The following TAF5 variants were observed in gnomAD, a reference collection of about 807,000 sequenced individuals.
The protein encoded by TAF5 is TATA-box binding protein associated factor 5, also known as transcription initiation factor TFIID subunit 5.
A neutral mutation model predicts 80.9 loss-of-function variants in TAF5; 20 were observed. That is an observed-to-expected ratio of 0.25 (90% CI 0.17 to 0.36). The LOEUF is 0.36. Among genes scored for constraint, TAF5 ranks in the 10% least tolerant of loss-of-function variants. The pLI, the probability that TAF5 is intolerant of heterozygous loss-of-function variation, is 1.00. For synonymous variants in TAF5, 388 were observed against 406.4 expected, an observed-to-expected ratio of 0.95 and a Z score of 0.55; for missense variants, 863 against 1,029.4, an observed-to-expected ratio of 0.84 and a Z score of 2.21.
intron 1 of TAF5, among the ~76,000 whole-genome samples, chr10:103,372,682 G>A (rs1248484994): frequency 6.6e-6 from 1 of 150,598 alleles, no homozygotes; most frequent in Admixed American, 6.6e-5. Flanking sequence ...GATCACTTGT[G>A]GTCAGGAGTT....
chr10:103,372,108 TGTATTTTTA>T (rs1037649302), intron 1 of TAF5, among the ~76,000 whole-genome samples: 1 of 151,498 alleles, frequency 6.6e-6, no homozygotes, highest in African/African-American at 2.4e-5. Context: ...AGCTAATTTT[TGTATTTTTA>T]GTAGAGACGG....
At chr10:103,381,910 T>C in intron 6 of TAF5, 69 bp downstream of exon 6, 1 of 1,580,438 alleles carries the variant, frequency 6.3e-7, no homozygotes, top group Non-Finnish European at 8.7e-7. Context: ...CCATGGAAAA[T>C]ACACAGGAGA....
intron 2 of TAF5, among the ~76,000 whole-genome samples, chr10:103,377,627 A>G (rs762965416): frequency 1.3e-5 from 2 of 152,224 alleles, no homozygotes; most frequent in Admixed American, 6.5e-5. Context: ...GTTGATACCA[A>G]ACAATGAGTA....
Position 103,387,361 on chromosome 10 carries a change from C to T in TAF5, c.2007+9C>T, listed in dbSNP as rs778947679. The T allele has an allele frequency of 1.1e-5, 17 of 1,599,256 alleles. No homozygotes were observed. In the Admixed American group the frequency reaches 2.8e-4, roughly 27 times the overall value. On this transcript the variant is annotated intron_variant, in intron 9 of 10. Coordinates refer to ENST00000369839, the MANE Select transcript of TAF5 (RefSeq NM_006951.5). ...TCTTCACTGGACACAAGGTATTTTA[C>T]ACTCTTACTATTCCAGCATCCAAGG...
intron 5 of TAF5, among the ~76,000 whole-genome samples, chr10:103,381,241 G>A (rs999382802): frequency 4.0e-5 from 6 of 151,222 alleles, no homozygotes; most frequent in East Asian, 2.0e-4. Flanking sequence ...GAACCCCCGC[G>A]CCCGGCCAAA....
At chr10:103,368,644 T>C in intron 1 of TAF5, 96 bp downstream of exon 1, 2 of 1,373,662 alleles carry the variant, frequency 1.5e-6, no homozygotes, top group South Asian at 1.7e-5. Flanking sequence ...GGGCTTGTTT[T>C]GAATTTCCTG....
chr10:103,387,456 A>G, intron 9 of TAF5, 65 bp from the exon 10 acceptor site: 10 of 1,552,494 alleles, frequency 6.4e-6, no homozygotes, highest in Non-Finnish European at 8.7e-6. Context: ...TCTTACTACA[A>G]AACTTTAAAA....
At position 103,367,997 on chromosome 10, in the gene TAF5, C is replaced by G; in HGVS notation, c.8C>G (p.Ala3Gly). The change falls in exon 1 of 11, where the codon GCG becomes GGG. Residue 3 changes from alanine to glycine, a missense_variant. Physicochemically the swap from Ala to Gly is moderately conservative, Grantham distance 60 (BLOSUM62 0). Coordinates refer to ENST00000369839, the MANE Select transcript of TAF5 (RefSeq NM_006951.5). Reference protein sequence around the residue: MAALAEEQTEVAV... With the variant: MAGLAEEQTEVAV... ...AGGTGGCTCAGCCGCAAGATGGCGGCGCTGGCGGAGGAGCAGACGGAGGTG... is the reference window on the plus strand; with the variant it reads ...AGGTGGCTCAGCCGCAAGATGGCGGGGCTGGCGGAGGAGCAGACGGAGGTG... The G allele has an allele frequency of 6.8e-7, 1 of 1,460,624 alleles. No homozygotes were observed. 90.5% of individuals were successfully genotyped at this position (1,460,624 alleles called of 1,614,324 possible). A position where few individuals can be genotyped will look rare whatever the true frequency, so the allele number is the denominator to read the frequency against.
At position 103,368,004 on chromosome 10, in the gene TAF5, G is replaced by A. The variant is rs1015454241; in HGVS notation, c.15G>A (p.Ala5=). 1.4e-6 allele frequency: 2 copies of A among 1,460,930 alleles called. No individual in the cohort carries two copies. The highest frequency in any genetic ancestry group is 1.8e-6 in the Non-Finnish European group (2 of 1,113,246). 90.5% of individuals were successfully genotyped at this position (1,460,930 alleles called of 1,614,324 possible). A position where few individuals can be genotyped will look rare whatever the true frequency, so the allele number is the denominator to read the frequency against. MAAL[A]EEQTEVAVKL... is the part of the protein sequence containing the mutation. ...TCAGCCGCAAGATGGCGGCGCTGGC[G>A]GAGGAGCAGACGGAGGTGGCGGTCA... The change falls in exon 1 of 11, where the codon GCG becomes GCA. Residue 5 remains alanine (A), a synonymous_variant. Transcript: ENST00000369839.
At position 103,387,256 on chromosome 10, in the gene TAF5, A is replaced by G. The variant is rs766677042; in HGVS notation, c.1911A>G (p.Pro637=). The change falls in exon 9 of 11, where the codon CCA becomes CCG. Residue 637 remains proline, a synonymous_variant. Coordinates refer to ENST00000369839, the MANE Select transcript of TAF5 (RefSeq NM_006951.5). The stretch of plus-strand genomic sequence containing the variant: ...ATGTGAATTGTACCAGATTCCATCC[A>G]AATTCTAATTATGTTGCTACGGGCT... ...LADVNCTRFH[P]NSNYVATGSA... 1 of 1,614,186 alleles carries G rather than the reference A, an allele frequency of 6.2e-7. No individual in the cohort carries two copies. The highest frequency in any genetic ancestry group is 8.5e-7 in the Non-Finnish European group (1 of 1,180,026).
intron 5 of TAF5, 103 bp from the exon 6 acceptor site, chr10:103,381,618 G>A (rs1444260754): frequency 1.6e-6 from 2 of 1,278,446 alleles, no homozygotes; most frequent in African/African-American, 1.5e-5. Flanking sequence ...TTAAAATAGA[G>A]GATTGAGGAG....
chr10:103,368,376 C>A lies in TAF5; in HGVS notation c.387C>A (p.Gly129=). The change falls in exon 1 of 11, where the codon GGC becomes GGA. Residue 129 remains glycine, a synonymous_variant. Coordinates refer to ENST00000369839, the MANE Select transcript of TAF5 (RefSeq NM_006951.5). The part of the protein sequence containing the change: ...EAGLLEEAVA[G]SGAPGEVDSA... The stretch of plus-strand genomic sequence containing the variant: ...GGCTGCTGGAGGAGGCAGTGGCGGG[C>A]TCCGGAGCCCCGGGAGAGGTGGACA... 1 of 1,482,006 alleles carries A rather than the reference C, an allele frequency of 6.7e-7. No individual in the cohort carries two copies. The highest frequency in any genetic ancestry group is 1.2e-5 in the South Asian group (1 of 85,006). 91.8% of individuals were successfully genotyped at this position (1,482,006 alleles called of 1,614,324 possible).
Position 103,383,275 on chromosome 10 carries a change from A to G in TAF5, c.1572A>G (p.Leu524=), listed in dbSNP as rs1166912573. 2 of 1,604,372 alleles carry G rather than the reference A, an allele frequency of 1.2e-6. No individual in the cohort carries two copies. The highest frequency in any genetic ancestry group is 1.8e-5 in the Admixed American group (1 of 56,106). ...TAGACAAAGAATCAGATGATGTCTT[A>G]GAAAGAATCATGGATGAGAAAACAG... ...SLIDKESDDV[L]ERIMDEKTAS... is the part of the protein sequence containing the mutation. Residue 524 remains leucine, a synonymous_variant, in exon 7 of 11, where the codon TTA becomes TTG. Coordinates refer to ENST00000369839, the MANE Select transcript of TAF5 (RefSeq NM_006951.5).
In TAF5 at chr10:103,374,984, T is replaced by C. The variant is rs985420629; in HGVS notation, c.797+1389T>C. Reference sequence around the variant, plus strand: ...AAATGCAAAAATTAGCTGGGTGTGGTAGCTCACTCCTGTAATCCCAGCTAT... The same window carrying C: ...AAATGCAAAAATTAGCTGGGTGTGGCAGCTCACTCCTGTAATCCCAGCTAT... On this transcript the variant is annotated intron_variant, in intron 2 of 10. Transcript: ENST00000369839. The surrounding 1 kb of genome is among the most constrained non-coding windows in gnomAD (Gnocchi z 4.3). Among the ~76,000 whole-genome samples, 3 of 151,948 alleles carry C rather than the reference T, an allele frequency of 2.0e-5. No homozygotes were observed. Among genetic ancestry groups the C allele is most frequent in the Non-Finnish European group, 4.4e-5 (3 of 67,962 alleles).
chr10:103,368,599 C>T, intron 1 of TAF5, 51 bp downstream of exon 1: 4 of 1,445,622 alleles, frequency 2.8e-6, no homozygotes, highest in Non-Finnish European at 9.0e-7. Context: ...GGGAGCAAGC[C>T]GGTAAGGCAG....
At chr10:103,383,638 G>C (rs2093388379) in intron 7 of TAF5, among the ~76,000 whole-genome samples, 1 of 149,828 alleles carries the variant, frequency 6.7e-6, no homozygotes, top group Admixed American at 6.7e-5. Context: ...GAGTGCAATG[G>C]CGTGATCTTG....
At chr10:103,377,000 C>A (rs1263348491) in intron 2 of TAF5, among the ~76,000 whole-genome samples, 1 of 152,042 alleles carries the variant, frequency 6.6e-6, no homozygotes, top group Non-Finnish European at 1.5e-5. Flanking sequence ...GCTGAGATCG[C>A]GTAAACAAAA....
intron 1 of TAF5, 63 bp downstream of exon 1, chr10:103,368,611 G>A: frequency 2.8e-6 from 4 of 1,433,526 alleles, no homozygotes; most frequent in African/African-American, 1.5e-5. Flanking sequence ...GTAAGGCAGG[G>A]GCTGGCAGGC....
intron 2 of TAF5, among the ~76,000 whole-genome samples, chr10:103,376,056 CA>C (rs373587088): frequency 1.5e-3 from 192 of 131,134 alleles, no homozygotes; most frequent in Admixed American, 2.0e-3. Context: ...AAGTCTATCT[CA>C]AAAAAAAAAA....
Sources: gnomAD v4.1 joint callset for allele counts (sites outside exome capture counted in the v4.1 genomes callset) on GRCh38, gnomAD v4.1.1 for gene constraint, Gnocchi (gnomAD v3.1) non-coding constraint, MANE v1.5 for transcripts, NCBI Gene and HGNC (gene_info 2026-07-23, HGNC 2026-07-21) for gene names.